MAGI2: variants seen among roughly 807,000 people sequenced by gnomAD.
MAGI2 encodes the protein membrane-associated guanylate kinase, WW and PDZ domain-containing protein 2.
A neutral mutation model predicts 133.3 loss-of-function variants in MAGI2; 35 were observed. That is an observed-to-expected ratio of 0.26 (90% CI 0.20 to 0.35). MAGI2 has a LOEUF of 0.35. MAGI2 is among the 10% of genes least tolerant of loss of function. MAGI2 has a pLI of 1.00. For synonymous variants in MAGI2, 729 were observed against 710.6 expected (o/e 1.03, Z -0.41); for missense variants, 1,636 against 1,863.4 (o/e 0.88, Z 2.25).
rs559765499 is a variant in MAGI2 at position 78,932,947 on chromosome 7, G to A, written c.418+74143C>T. The stretch of plus-strand genomic sequence containing the variant: ...ATGTTAAGGACTGAATAACTGTGCT[G>A]GGATATGCTAATGCGGCAGCCACGC... On this transcript the variant is annotated intron_variant, in intron 2 of 21. Coordinates refer to ENST00000354212, the MANE Select transcript of MAGI2 (RefSeq NM_012301.4). Among the ~76,000 whole-genome samples the A allele has an allele frequency of 2.0e-5, 3 of 152,216 alleles. No homozygotes were observed. The East Asian group carries it at 5.8e-4, about 29-fold the overall frequency.
At chr7:78,185,783 T>C (rs994546726) in intron 12 of MAGI2, 113 bp from the exon 13 acceptor site, 45 of 709,082 alleles carry the variant, frequency 6.3e-5, no homozygotes, top group African/African-American at 1.4e-4. Flanking sequence ...CTCATACTTA[T>C]GTTTAAGACT....
intron 6 of MAGI2, among the ~76,000 whole-genome samples, chr7:78,388,430 T>A (rs1185528893): frequency 6.6e-6 from 1 of 152,118 alleles, no homozygotes; most frequent in African/African-American, 2.4e-5. Context: ...AGTGTATGTG[T>A]CCCATAATTG....
chr7:78,187,386 T>A (rs2150713273), intron 12 of MAGI2, among the ~76,000 whole-genome samples: 1 of 152,278 alleles, frequency 6.6e-6, no homozygotes, highest in African/African-American at 2.4e-5. Context: ...CTTACAGTTT[T>A]GAAAGGCAGA....
chr7:79,041,233 A>T (rs1400498727), intron 1 of MAGI2, among the ~76,000 whole-genome samples: 4 of 152,162 alleles, frequency 2.6e-5, no homozygotes, highest in African/African-American at 9.7e-5. Context: ...ATGCACTATG[A>T]ATTTTTTCTA....
At chr7:78,721,635 T>C (rs1240918364) in intron 2 of MAGI2, among the ~76,000 whole-genome samples, 1 of 151,970 alleles carries the variant, frequency 6.6e-6, no homozygotes, top group East Asian at 1.9e-4. Flanking sequence ...TATTAAATTG[T>C]GAGAAATCTG....
rs115014934 is a variant in MAGI2, at chr7:78,159,580, C to T, written c.2845+445G>A. Among the ~76,000 whole-genome samples, 1,124 of 152,240 alleles carry T rather than the reference C, an allele frequency of 7.4e-3. 15 individuals are homozygous for T. Among genetic ancestry groups the T allele is most frequent in the African/African-American group, 0.026 (1,061 of 41,532 alleles). On this transcript the variant is annotated intron_variant, in intron 16 of 21. Transcript: ENST00000354212. The stretch of plus-strand genomic sequence containing the variant: ...TATATTTCTTGGATGCCAAGCTTGG[C>T]GTCCACCTTAAGCCTTCTGCCTGGA...
chr7:78,401,204 A>G (rs1333407550), intron 6 of MAGI2, among the ~76,000 whole-genome samples: 1 of 151,904 alleles, frequency 6.6e-6, no homozygotes, highest in Non-Finnish European at 1.5e-5. Context: ...AAAAATCAGT[A>G]CTTTTCGGGA....
intron 14 of MAGI2, among the ~76,000 whole-genome samples, chr7:78,172,098 G>A (rs1006430628): frequency 6.6e-6 from 1 of 152,140 alleles, no homozygotes; most frequent in Non-Finnish European, 1.5e-5. Flanking sequence ...AACATTTGAT[G>A]TGAAATAACA....
chr7:78,069,539 G>GGAGAGAGGGAGA (rs1554432832), intron 21 of MAGI2, among the ~76,000 whole-genome samples: 1 of 134,644 alleles, frequency 7.4e-6, no homozygotes, highest in East Asian at 2.2e-4. Flanking sequence ...GAAAGAGAGA[G>GGAGAGAGGGAGA]GAGAGAGAGA....
At chr7:78,952,458 A>C (rs150174205) in intron 2 of MAGI2, among the ~76,000 whole-genome samples, 128 of 152,238 alleles carry the variant, frequency 8.4e-4, no homozygotes, top group South Asian at 6.8e-3. Flanking sequence ...TTAATTCATT[A>C]ATTCATTCAT....
intron 1 of MAGI2, among the ~76,000 whole-genome samples, chr7:79,110,900 T>G (rs1200808701): frequency 6.6e-6 from 1 of 152,056 alleles, no homozygotes. Context: ...TCTGGTTGCT[T>G]AAAAATGTGT....
chr7:79,428,871 A>G (rs1847580206), intron 1 of MAGI2, among the ~76,000 whole-genome samples: 1 of 152,176 alleles, frequency 6.6e-6, no homozygotes, highest in South Asian at 2.1e-4. Flanking sequence ...TTCTAAGAAC[A>G]CAAAAACATT....
chr7:78,408,882 C>T (rs984588824), intron 6 of MAGI2, among the ~76,000 whole-genome samples: 1 of 152,046 alleles, frequency 6.6e-6, no homozygotes, highest in Non-Finnish European at 1.5e-5. Flanking sequence ...TTTGAAATTA[C>T]ATACATAGTT....
chr7:79,400,908 A>C (rs1449729570), intron 1 of MAGI2, among the ~76,000 whole-genome samples: 1 of 152,124 alleles, frequency 6.6e-6, no homozygotes, highest in Non-Finnish European at 1.5e-5. Flanking sequence ...GGTCACATTC[A>C]ATGTAATGTG....
At chr7:78,639,341 C>T (rs968170231) in intron 2 of MAGI2, among the ~76,000 whole-genome samples, 1 of 150,782 alleles carries the variant, frequency 6.6e-6, no homozygotes, top group Non-Finnish European at 1.5e-5. Flanking sequence ...TCTGAGTGAT[C>T]AACTATTTTT....
chr7:78,877,629 C>T (rs896744577), intron 2 of MAGI2, among the ~76,000 whole-genome samples: 6 of 152,108 alleles, frequency 3.9e-5, no homozygotes, highest in Non-Finnish European at 8.8e-5. Context: ...ACTCCCACAC[C>T]ATCTTGTACT....
intron 10 of MAGI2, among the ~76,000 whole-genome samples, chr7:78,213,875 C>A (rs1788012234): frequency 6.6e-6 from 1 of 152,218 alleles, no homozygotes; most frequent in African/African-American, 2.4e-5. Context: ...TCTAACACTT[C>A]TTTCCCTTCC....
intron 1 of MAGI2, among the ~76,000 whole-genome samples, chr7:79,246,089 C>A (rs546648977): frequency 3.9e-5 from 6 of 152,130 alleles, no homozygotes; most frequent in Non-Finnish European, 8.8e-5. Flanking sequence ...TTAGGGTGCC[C>A]CCTAATGCAG....
At chr7:78,762,886 A>G (rs1439882643) in intron 2 of MAGI2, among the ~76,000 whole-genome samples, 1 of 152,202 alleles carries the variant, frequency 6.6e-6, no homozygotes, top group African/African-American at 2.4e-5. Flanking sequence ...ATGGGTAAAT[A>G]CCCATGGGCA....
Sources: allele counts gnomAD v4.1 joint callset (sites outside exome capture counted in the v4.1 genomes callset), GRCh38; gene constraint gnomAD v4.1.1; transcripts MANE v1.5; gene names NCBI Gene and HGNC (gene_info 2026-07-23, HGNC 2026-07-21).